The following GNL3L variants were observed in gnomAD, a reference collection of about 807,000 sequenced individuals.
GNL3L encodes the protein G protein nucleolar 3 like, also known as guanine nucleotide-binding protein-like 3-like protein.
GNL3L carries 4 observed loss-of-function variants against 42.9 expected under a neutral mutation model. The ratio of observed to expected loss-of-function variants is 0.09; its 90% CI spans 0.05 to 0.21. The LOEUF is 0.21. GNL3L is among the 10% of genes least tolerant of loss of function. The pLI is 1.00. For missense variants in GNL3L, 412 were observed against 481.7 expected, an observed-to-expected ratio of 0.86 and a Z score of 1.36; for synonymous variants, 159 against 176.3, an observed-to-expected ratio of 0.90 and a Z score of 0.78.
At chrX:54,556,634 C>A (rs1925104552) in intron 14 of GNL3L, among the ~76,000 whole-genome samples, 1 of 110,660 alleles carries the variant, frequency 9.0e-6, no homozygotes, top group Non-Finnish European at 1.9e-5. Context: ...CCCTCCTTGG[C>A]CTCCCAAAGT....
the GNL3L span, among the ~76,000 whole-genome samples, chrX:54,628,634 T>A: frequency 6.3e-5 from 7 of 110,683 alleles, no homozygotes; most frequent in Non-Finnish European, 1.1e-4. Flanking sequence ...TTTTTTCATA[T>A]GTTTGTTTGC....
rs1404550843 is a variant in GNL3L, at chrX:54,534,066, G to A, written c.19+1481G>A. Among the ~76,000 whole-genome samples the A allele has an allele frequency of 4.7e-5, 4 of 85,548 alleles. No homozygotes were observed. In the East Asian group the frequency reaches 1.3e-3, roughly 29 times the overall value. The allele number at this position is 85,548 out of a possible 115,157, so 74.3% of individuals were successfully genotyped here. A position where few individuals can be genotyped will look rare whatever the true frequency, so the allele number is the denominator to read the frequency against. ...CCCACTAATTTTTTTTTTCAATAGA[G>A]ATGAGGGTCTTTCTATGTTGTCCAG... On this transcript the variant is annotated intron_variant, in intron 2 of 15. Coordinates refer to ENST00000360845, the MANE Select transcript of GNL3L (RefSeq NM_001184819.2).
rs748704890 is a variant in GNL3L at position 54,544,251 on chromosome X, A to G, written c.555A>G (p.Lys185=). The G allele has an allele frequency of 3.4e-6, 4 of 1,193,038 alleles. No homozygotes were observed. In the Admixed American group the frequency reaches 8.7e-5, roughly 26 times the overall value. The part of the protein sequence containing the change: ...IDLVPKEVVE[K]WLDYLRNELP... The stretch of plus-strand genomic sequence containing the variant: ...TGGTCCCCAAGGAGGTTGTGGAGAA[A>G]TGGCTGGATTACCTTCGGAATGAGT... The change falls in exon 8 of 16, where the codon AAA becomes AAG. Residue 185 remains lysine (K), a synonymous_variant. Coordinates refer to ENST00000360845, the MANE Select transcript of GNL3L (RefSeq NM_001184819.2).
Position 54,618,104 on chromosome X carries a change from T to C in GNL3L, c.*46-2741T>C, listed in dbSNP as rs186180893. Among the ~76,000 whole-genome samples, 398 of 111,539 alleles carry C rather than the reference T, an allele frequency of 3.6e-3. 2 individuals carry two copies. Among genetic ancestry groups the C allele is most frequent in the African/African-American group, 0.012 (370 of 30,730 alleles). ...TTTCCCATGCTGGAGAGGCCACATA[T>C]AGGAGCTGGCTTCAGTTATCATCTG... On this transcript the variant is annotated intron_variant, in intron 16 of 16. Coordinates refer to the GNL3L transcript ENST00000674498.
At chrX:54,583,110 C>CTTGTCT (rs1260477991) in intron 16 of GNL3L, among the ~76,000 whole-genome samples, 2 of 111,751 alleles carry the variant, frequency 1.8e-5, no homozygotes, top group South Asian at 7.4e-4. Flanking sequence ...CAGTCTATAG[C>CTTGTCT]TTGTCTTTTC....
chrX:54,603,953 A>G (rs771076613), intron 16 of GNL3L, among the ~76,000 whole-genome samples: 3 of 111,178 alleles, frequency 2.7e-5, no homozygotes, highest in Non-Finnish European at 5.7e-5. Context: ...CCTGGGCAAC[A>G]TGGTGAAACT....
Position 54,548,220 on chromosome X carries a change from T to G in GNL3L, c.631-9T>G. On this transcript the variant is annotated splice_polypyrimidine_tract_variant and intron_variant, in intron 8 of 15. Transcript: ENST00000360845. ...TGTCTCTTCTGTGATATTCAATTTT[T>G]TTTTCCAGAATCGTTGCAGTGTGCC... The G allele has an allele frequency of 1.7e-6, 2 of 1,203,668 alleles. No individual in the cohort carries two copies. The highest frequency in any genetic ancestry group is 3.5e-5 in the South Asian group (2 of 56,440).
At position 54,552,283 on chromosome X, in the gene GNL3L, C is replaced by T. The variant is rs1200752612; in HGVS notation, c.1182-9C>T. On this transcript the variant is annotated splice_polypyrimidine_tract_variant and intron_variant, in intron 12 of 15. Coordinates refer to ENST00000360845, the MANE Select transcript of GNL3L (RefSeq NM_001184819.2). ...CAGCACCACTCATCTCCCCTATCTC[C>T]CAATGCAGCGGGAAGATCAGCTTCT... 5.8e-6 allele frequency: 7 copies of T among 1,206,835 alleles called. No homozygotes were observed. The highest frequency in any genetic ancestry group is 2.2e-5 in the Admixed American group (1 of 46,000).
intron 16 of GNL3L, among the ~76,000 whole-genome samples, chrX:54,601,845 T>G (rs1926008113): frequency 8.9e-6 from 1 of 112,136 alleles, no homozygotes; most frequent in Admixed American, 9.5e-5. Context: ...AATAAGTGAT[T>G]TTTGAGAATA....
intron 16 of GNL3L, among the ~76,000 whole-genome samples, chrX:54,579,772 G>T (rs1459059315): frequency 9.0e-6 from 1 of 111,289 alleles, no homozygotes; most frequent in Non-Finnish European, 1.9e-5. Flanking sequence ...CCACCTCCTG[G>T]GTTCAGTCGA....
chrX:54,635,742 A>AC, the GNL3L span, among the ~76,000 whole-genome samples: 3 of 109,764 alleles, frequency 2.7e-5, no homozygotes, highest in Non-Finnish European at 5.7e-5. Flanking sequence ...ACTAAAAAAA[A>AC]AAAAAAAATC....
At chrX:54,538,953 C>A in intron 2 of GNL3L, 87 bp from the exon 3 acceptor site, 2 of 534,185 alleles carry the variant, frequency 3.7e-6, no homozygotes, top group South Asian at 3.3e-5. Context: ...TAGCTAGGTT[C>A]CCAGTGTGGC....
At chrX:54,608,817 G>A (rs1382712286) in intron 16 of GNL3L, among the ~76,000 whole-genome samples, 3 of 112,079 alleles carry the variant, frequency 2.7e-5, no homozygotes, top group Non-Finnish European at 3.8e-5. Context: ...CTGTAAACGC[G>A]TGTGCAAGTA....
Position 54,606,934 on chromosome X carries a change from C to A in GNL3L, c.*46-13911C>A, listed in dbSNP as rs1300141266. On this transcript the variant is annotated intron_variant, in intron 16 of 16. Coordinates refer to the GNL3L transcript ENST00000674498. ...GGGATTATAGGTGTAAGTCACCATG[C>A]CTGACTGTTCTATATATCTTGTTCT... Among the ~76,000 whole-genome samples, 4 of 110,328 alleles carry A rather than the reference C, an allele frequency of 3.6e-5. No individual in the cohort carries two copies. In the East Asian group the frequency reaches 1.2e-3, roughly 32 times the overall value.
intron 16 of GNL3L, among the ~76,000 whole-genome samples, chrX:54,574,724 C>T (rs749825380): frequency 3.9e-4 from 44 of 112,107 alleles, no homozygotes; most frequent in African/African-American, 1.3e-3. Context: ...ATGTTTGTTA[C>T]AATTCAGCAG....
At chrX:54,579,833 A>T (rs1391987403) in intron 16 of GNL3L, among the ~76,000 whole-genome samples, 3 of 110,810 alleles carry the variant, frequency 2.7e-5, no homozygotes, top group Non-Finnish European at 3.8e-5. Flanking sequence ...ATGCGCCACA[A>T]CGCCTGGCTA....
At chrX:54,573,017 A>T (rs190249908) in intron 16 of GNL3L, among the ~76,000 whole-genome samples, 2,086 of 97,734 alleles carry the variant, frequency 0.021, 52 homozygotes, top group African/African-American at 0.077. Context: ...TCCTCACTTT[A>T]CAGATGGGAT....
intron 16 of GNL3L, among the ~76,000 whole-genome samples, chrX:54,607,082 C>CTCTTTCT (rs1926097984): frequency 1.8e-4 from 4 of 21,991 alleles, no homozygotes; most frequent in African/African-American, 2.4e-4. Flanking sequence ...CTCTTTCTTT[C>CTCTTTCT]TTCTTTCTTT....
At chrX:54,595,783 A>G (rs1419826520) in intron 16 of GNL3L, among the ~76,000 whole-genome samples, 1 of 111,601 alleles carries the variant, frequency 9.0e-6, no homozygotes, top group African/African-American at 3.3e-5. Context: ...CAAACTTACT[A>G]ATTATTTTTT....
Sources: gnomAD v4.1 joint callset for allele counts (sites outside exome capture counted in the v4.1 genomes callset) on GRCh38, gnomAD v4.1.1 for gene constraint, MANE v1.5 for transcripts, NCBI Gene and HGNC (gene_info 2026-07-23, HGNC 2026-07-21) for gene names.